The following TENM2 variants were observed in gnomAD, a reference collection of about 807,000 sequenced individuals.
The protein encoded by TENM2 is teneurin transmembrane protein 2, also known as teneurin-2.
TENM2 carries 52 observed loss-of-function variants against 245.2 expected under a neutral mutation model. That is an observed-to-expected ratio of 0.21 (90% CI 0.17 to 0.27). The LOEUF is 0.27. Ranked by LOEUF, TENM2 falls within the 10% of genes least tolerant of loss-of-function variation. TENM2 has a pLI of 1.00. For synonymous variants in TENM2, 1,363 were observed against 1,438.9 expected (o/e 0.95, Z 1.19); for missense variants, 3,046 against 3,666.8 (o/e 0.83, Z 4.37).
At chr5:168,215,095 T>C (rs1378707838) in exon 21 of TENM2, 13 of 1,613,772 alleles carry the variant, frequency 8.1e-6, no homozygotes, top group Non-Finnish European at 1.1e-5. Flanking sequence ...CGGCTCGCTC[T>C]ACGTGTCCGA....
chr5:167,724,271 CTG>C (rs909308357), intron 2 of TENM2, among the ~76,000 whole-genome samples: 41 of 151,930 alleles, frequency 2.7e-4, no homozygotes, highest in African/African-American at 8.7e-4. Flanking sequence ...AAAAGACAAT[CTG>C]TGGATAAATT....
At chr5:167,589,011 G>C (rs1444780655) in intron 2 of TENM2, among the ~76,000 whole-genome samples, 1 of 152,010 alleles carries the variant, frequency 6.6e-6, no homozygotes, top group Non-Finnish European at 1.5e-5. Flanking sequence ...GACCAGCCTG[G>C]GCAACATGGC....
intron 7 of TENM2, among the ~76,000 whole-genome samples, chr5:168,072,584 G>A (rs918744259): frequency 5.3e-5 from 8 of 152,140 alleles, no homozygotes; most frequent in Admixed American, 1.3e-4. Context: ...AGGGAGGGTC[G>A]TGAGATGCAG....
intron 4 of TENM2, among the ~76,000 whole-genome samples, chr5:167,964,751 C>A (rs1781262971): frequency 2.0e-5 from 3 of 152,052 alleles, no homozygotes; most frequent in Admixed American, 2.0e-4. Flanking sequence ...CAATGAGCCA[C>A]TAGGGGCAGA....
At chr5:167,805,175 C>T (rs1305020922) in intron 2 of TENM2, among the ~76,000 whole-genome samples, 1 of 152,142 alleles carries the variant, frequency 6.6e-6, no homozygotes, top group African/African-American at 2.4e-5. Flanking sequence ...TCTCCCTCAG[C>T]TAACTCCTTG....
At chr5:167,541,281 A>G (rs566285284) in intron 2 of TENM2, among the ~76,000 whole-genome samples, 77 of 152,250 alleles carry the variant, frequency 5.1e-4, no homozygotes, top group Middle Eastern at 3.4e-3. Flanking sequence ...CCAAATTCCT[A>G]TTTACAATTC....
chr5:168,158,362 T>C (rs529547870), intron 12 of TENM2, among the ~76,000 whole-genome samples: 2 of 152,204 alleles, frequency 1.3e-5, no homozygotes, highest in African/African-American at 2.4e-5. Flanking sequence ...AGTTTATAGA[T>C]ATGAGGCAGG....
At chr5:167,824,102 A>G (rs1051125677) in intron 2 of TENM2, among the ~76,000 whole-genome samples, 4 of 152,230 alleles carry the variant, frequency 2.6e-5, no homozygotes, top group African/African-American at 9.6e-5. Flanking sequence ...GGCCAGAGGC[A>G]TCGCCTGCTG....
At chr5:168,085,655 T>A (rs2077215217) in intron 7 of TENM2, 1 of 152,326 alleles carries the variant, frequency 6.6e-6, no homozygotes, top group South Asian at 2.1e-4. Flanking sequence ...AAAGAAATTG[T>A]GCTGAGCTTT....
At chr5:168,090,466 A>T in intron 7 of TENM2, 108 bp from the exon 10 acceptor site, 1 of 914,888 alleles carries the variant, frequency 1.1e-6, no homozygotes, top group Non-Finnish European at 1.6e-6. Context: ...AAAATGTGCT[A>T]CAAAAAAGGT....
chr5:167,874,840 C>T (rs546899279), intron 2 of TENM2, among the ~76,000 whole-genome samples: 27 of 152,154 alleles, frequency 1.8e-4, no homozygotes, highest in Non-Finnish European at 3.2e-4. Context: ...CACCTTCTGC[C>T]GGACTGGCTG....
intron 2 of TENM2, among the ~76,000 whole-genome samples, chr5:167,863,537 G>T (rs1399525074): frequency 6.6e-6 from 1 of 152,158 alleles, no homozygotes. Flanking sequence ...CCAGCTAATT[G>T]GGAGGCTGAG....
chr5:167,316,602 G>T (rs529721202), intron 1 of TENM2, among the ~76,000 whole-genome samples: 1 of 152,142 alleles, frequency 6.6e-6, no homozygotes, highest in East Asian at 1.9e-4. Flanking sequence ...CATATACATA[G>T]GTACAAATAT....
chr5:167,625,651 A>T (rs1466423369), intron 2 of TENM2, among the ~76,000 whole-genome samples: 1 of 152,156 alleles, frequency 6.6e-6, no homozygotes, highest in Non-Finnish European at 1.5e-5. Context: ...AATTACCCCA[A>T]AACTTCATGG....
the TENM2 span, among the ~76,000 whole-genome samples, chr5:167,118,712 G>T: frequency 6.6e-6 from 1 of 152,170 alleles, no homozygotes; most frequent in Non-Finnish European, 1.5e-5. Flanking sequence ...GAGTATCAAT[G>T]CTGCTTATGT....
chr5:167,465,936 A>C (rs1035202950), intron 2 of TENM2, among the ~76,000 whole-genome samples: 1 of 152,180 alleles, frequency 6.6e-6, no homozygotes, highest in Admixed American at 6.5e-5. Flanking sequence ...TCCAAAGTCC[A>C]TGAATGTCCA....
intron 12 of TENM2, among the ~76,000 whole-genome samples, chr5:168,131,591 C>T (rs1754586167): frequency 1.3e-5 from 2 of 152,314 alleles, no homozygotes; most frequent in South Asian, 2.1e-4. Context: ...CAGAAGTAGA[C>T]AGGGTCACAG....
At chr5:167,785,931 G>C (rs1315597223) in intron 2 of TENM2, among the ~76,000 whole-genome samples, 2 of 152,144 alleles carry the variant, frequency 1.3e-5, no homozygotes, top group East Asian at 3.9e-4. Context: ...GTGGGGTGGG[G>C]GAAAAATAGC....
chr5:167,219,561 G>A, the TENM2 span, among the ~76,000 whole-genome samples: 1 of 152,316 alleles, frequency 6.6e-6, no homozygotes, highest in South Asian at 2.1e-4. Flanking sequence ...TGTTAATGGA[G>A]GGAAGCTCCA....
Sources: allele counts gnomAD v4.1 joint callset (sites outside exome capture counted in the v4.1 genomes callset), GRCh38; gene constraint gnomAD v4.1.1; transcripts MANE v1.5; gene names NCBI Gene and HGNC (gene_info 2026-07-23, HGNC 2026-07-21).